SVEP1: variants seen among roughly 807,000 people sequenced by gnomAD.
The protein encoded by SVEP1 is sushi, von Willebrand factor type A, EGF and pentraxin domain-containing protein 1.
A neutral mutation model predicts 367.3 loss-of-function variants in SVEP1; 164 were observed. That is an observed-to-expected ratio of 0.45 (90% confidence interval 0.39 to 0.51). The LOEUF (loss-of-function observed/expected upper bound fraction) is 0.51, where lower values mean the gene tolerates loss of function less well. Among genes scored for constraint, SVEP1 ranks in the 20% least tolerant of loss-of-function variants. The probability of loss-of-function intolerance (pLI) is 0.00; values close to 1 mark genes in which losing one functional copy is unlikely to be tolerated. For synonymous variants in SVEP1, 1,666 were observed against 1,611.6 expected (o/e 1.03, Z -0.81); for missense variants, 4,117 against 4,425.3 (o/e 0.93, Z 1.98).
rs1248719354 is a variant in SVEP1, at chr9:110,579,556, A to G, written c.-13T>C. 5.7e-5 allele frequency: 89 copies of G among 1,572,298 alleles called. No homozygotes were observed. The highest frequency in any genetic ancestry group is 7.6e-5 in the Non-Finnish European group (88 of 1,163,804). Reference sequence around the variant, plus strand: ...GGCGAGGCCACATCGCGCTGGAGACAGAGCGGCTGCCCCGGAGCGCAGGCG... The same window carrying G: ...GGCGAGGCCACATCGCGCTGGAGACGGAGCGGCTGCCCCGGAGCGCAGGCG... On this transcript the variant is annotated 5_prime_UTR_variant, in exon 1 of 48. Transcript: ENST00000374469. The surrounding 1 kb of genome is among the most constrained non-coding windows in gnomAD (Gnocchi z 5.3).
At chr9:110,533,659 A>G (rs1830048358) in intron 3 of SVEP1, among the ~76,000 whole-genome samples, 1 of 152,146 alleles carries the variant, frequency 6.6e-6, no homozygotes, top group South Asian at 2.1e-4. Flanking sequence ...AGCACACTAT[A>G]AGGCACACCA....
Position 110,436,516 on chromosome 9 carries a change from GAA to G in SVEP1, c.4640-14_4640-13del, listed in dbSNP as rs1828432887. The G allele has an allele frequency of 2.5e-6, 4 of 1,611,306 alleles. No homozygotes were observed. Among genetic ancestry groups the G allele is most frequent in the East Asian group, 2.2e-5 (1 of 44,808 alleles). ...TAACGCACCACCACCTAAGGAGAGA[GAA>G]AGAGAAAGAAAAGGAGGAAAACTGG... On this transcript the variant is annotated splice_polypyrimidine_tract_variant and intron_variant, in intron 27 of 47. Coordinates refer to ENST00000374469, the MANE Select transcript of SVEP1 (RefSeq NM_153366.4).
chr9:110,558,804 C>T (rs905918529), intron 1 of SVEP1, among the ~76,000 whole-genome samples: 2 of 151,904 alleles, frequency 1.3e-5, no homozygotes, highest in Admixed American at 6.6e-5. Context: ...CTCACATAGC[C>T]ACAAAATTTT....
At chr9:110,491,242 T>C (rs1829361266) in intron 8 of SVEP1, among the ~76,000 whole-genome samples, 1 of 151,944 alleles carries the variant, frequency 6.6e-6, no homozygotes. Flanking sequence ...TTAATCTAGG[T>C]ATTCTTCTAC....
chr9:110,432,536 T>A lies in SVEP1; in HGVS notation c.5159A>T (p.Tyr1720Phe), dbSNP rs2118558966. The A allele has an allele frequency of 1.2e-6, 2 of 1,613,908 alleles. No homozygotes were observed. The highest frequency in any genetic ancestry group is 2.2e-5 in the East Asian group (1 of 44,882). Residue 1720 changes from tyrosine to phenylalanine, a missense_variant, in exon 31 of 48, where the codon TAC (tyrosine) becomes TTC (phenylalanine). Around this residue, in one of 4 missense-constraint regions of SVEP1, gnomAD observed 2,174 missense variants for 2,494.3 expected, o/e 0.87. Transcript: ENST00000374469. The stretch of plus-strand genomic sequence containing the variant: ...CATCCTTGAGTCACCCAATAGATAG[T>A]AGCCATTGTTGCACTGGTAGGTTAC... ...STVTYQCNNG[Y>F]YLLGDSRMFC...
At chr9:110,574,767 G>GTGA (rs1564180557) in intron 1 of SVEP1, among the ~76,000 whole-genome samples, 2 of 92,672 alleles carry the variant, frequency 2.2e-5, no homozygotes, top group Non-Finnish European at 2.0e-5. Flanking sequence ...TTTTTTTTTT[G>GTGA]AGGAGTCTCA....
rs561457155 is a variant in SVEP1, at chr9:110,544,009, G to A, written c.964+2106C>T. On this transcript the variant is annotated intron_variant, in intron 3 of 47. Transcript: ENST00000374469. ...CAAGAAAGGAGTGATTCTGCTGGGT[G>A]AGCATGGATGGTTGGACCCAGGAAG... 1.1e-4 allele frequency among the ~76,000 whole-genome samples: 17 copies of A among 152,236 alleles called. No homozygotes were observed. The South Asian group carries it at 3.5e-3, about 32-fold the overall frequency.
intron 4 of SVEP1, 149 bp from the exon 5 acceptor site, chr9:110,513,254 T>C (rs1212846727): frequency 2.6e-6 from 2 of 754,746 alleles, no homozygotes; most frequent in African/African-American, 3.5e-5. Flanking sequence ...TTCAAGTACA[T>C]ATTTGGAAGA....
At chr9:110,388,048 G>C (rs1382863710) in intron 41 of SVEP1, among the ~76,000 whole-genome samples, 1 of 152,146 alleles carries the variant, frequency 6.6e-6, no homozygotes, top group East Asian at 1.9e-4. Context: ...TCATGTAACA[G>C]TTGGCAAAAA....
At chr9:110,367,617 T>C (rs1827219083) in intron 47 of SVEP1, among the ~76,000 whole-genome samples, 1 of 152,156 alleles carries the variant, frequency 6.6e-6, no homozygotes, top group Non-Finnish European at 1.5e-5. Context: ...TTTTACCCAG[T>C]TTTTTGCCAA....
chr9:110,473,697 C>A (rs1420511859), intron 14 of SVEP1, among the ~76,000 whole-genome samples: 2 of 152,008 alleles, frequency 1.3e-5, no homozygotes, highest in East Asian at 3.8e-4. Flanking sequence ...ATCTAAGATA[C>A]CATCGGTTAG....
intron 36 of SVEP1, among the ~76,000 whole-genome samples, chr9:110,415,107 G>A (rs997272913): frequency 2.0e-5 from 3 of 152,004 alleles, no homozygotes; most frequent in Non-Finnish European, 4.4e-5. Context: ...GTTTAAAAAA[G>A]ATAAATGTTT....
intron 47 of SVEP1, among the ~76,000 whole-genome samples, chr9:110,368,070 C>G (rs903374589): frequency 7.3e-5 from 11 of 151,670 alleles, no homozygotes; most frequent in Non-Finnish European, 1.3e-4. Flanking sequence ...GAGTGAGACT[C>G]TGTCTTAAAA....
intron 32 of SVEP1, among the ~76,000 whole-genome samples, chr9:110,430,805 A>G (rs558816686): frequency 7.1e-4 from 108 of 152,254 alleles, no homozygotes; most frequent in African/African-American, 2.6e-3. Context: ...TTTCAGAGCA[A>G]CTGACTTGGT....
chr9:110,448,148 TGCGC>T (rs1554715856), intron 24 of SVEP1, among the ~76,000 whole-genome samples: 6 of 69,504 alleles, frequency 8.6e-5, no homozygotes, highest in Non-Finnish European at 1.3e-4. Context: ...TGTGTGTGTG[TGCGC>T]GTGTGTGTGT....
chr9:110,566,074 T>C (rs1465719519), intron 1 of SVEP1, among the ~76,000 whole-genome samples: 1 of 151,996 alleles, frequency 6.6e-6, no homozygotes, highest in Non-Finnish European at 1.5e-5. Context: ...ATCCTAGCAC[T>C]TTGGGAGGTT....
At chr9:110,493,370 T>C (rs1415990594) in intron 8 of SVEP1, among the ~76,000 whole-genome samples, 1 of 152,106 alleles carries the variant, frequency 6.6e-6, no homozygotes, top group African/African-American at 2.4e-5. Context: ...TCCTCAAAAA[T>C]ACTCCTTTCC....
chr9:110,502,330 C>G (rs1327400035), intron 6 of SVEP1, among the ~76,000 whole-genome samples: 2 of 151,994 alleles, frequency 1.3e-5, no homozygotes. Flanking sequence ...GTCTGCAGCT[C>G]TGACCTCATG....
At chr9:110,403,839 C>T (rs548940455) in intron 39 of SVEP1, among the ~76,000 whole-genome samples, 2 of 146,612 alleles carry the variant, frequency 1.4e-5, no homozygotes, top group East Asian at 2.0e-4. Context: ...ATACAAGATA[C>T]GTGTAATAAT....
Sources: allele counts gnomAD v4.1 joint callset (sites outside exome capture counted in the v4.1 genomes callset), GRCh38; gene constraint gnomAD v4.1.1; regional missense constraint gnomAD v4.1.1; non-coding constraint Gnocchi (gnomAD v3.1); transcripts MANE v1.5; gene names NCBI Gene and HGNC (gene_info 2026-07-23, HGNC 2026-07-21).